TJP1: variants seen among roughly 807,000 people sequenced by gnomAD.
TJP1 encodes the protein tight junction protein ZO-1.
In TJP1, 43 loss-of-function variants were observed where a neutral mutation model predicts 194.2. That is an observed-to-expected ratio of 0.22 (90% CI 0.17 to 0.29). The LOEUF is 0.29. Ranked by LOEUF, TJP1 falls within the 10% of genes least tolerant of loss-of-function variation. TJP1 has a pLI of 1.00. For synonymous variants in TJP1, 801 were observed against 779.0 expected (o/e 1.03, Z -0.47); for missense variants, 1,971 against 2,185.7 (o/e 0.90, Z 1.96).
At chr15:29,754,779 G>A (rs575988837) in intron 8 of TJP1, among the ~76,000 whole-genome samples, 30 of 152,262 alleles carry the variant, frequency 2.0e-4, no homozygotes, top group African/African-American at 7.2e-4. Flanking sequence ...CATTTCCCTT[G>A]AGCGTCATGT....
intron 2 of TJP1, among the ~76,000 whole-genome samples, chr15:29,831,170 T>C (rs1284754259): frequency 1.3e-5 from 2 of 152,180 alleles, no homozygotes; most frequent in Non-Finnish European, 2.9e-5. Flanking sequence ...GAGGAGAATA[T>C]ATTTTGTATG....
At chr15:29,700,063 G>A (rs1200170432), downstream of TJP1, 5 of 382,204 alleles carry the variant, frequency 1.3e-5, no homozygotes, top group South Asian at 1.5e-4. Context: ...GTGACGCTGG[G>A]TGATAGGGAT....
chr15:29,708,275 G>A (rs2042026208), intron 25 of TJP1, among the ~76,000 whole-genome samples: 1 of 151,242 alleles, frequency 6.6e-6, no homozygotes, highest in Admixed American at 6.6e-5. Context: ...CACTCTAGCT[G>A]TGACCCTGGG....
chr15:29,817,323 C>A (rs1315300351), intron 1 of TJP1, among the ~76,000 whole-genome samples: 1 of 152,126 alleles, frequency 6.6e-6, no homozygotes, highest in Non-Finnish European at 1.5e-5. Flanking sequence ...ATTAGAAAGT[C>A]AGGAAACAAC....
intron 23 of TJP1, among the ~76,000 whole-genome samples, chr15:29,712,810 A>T (rs922976074): frequency 2.2e-5 from 3 of 136,400 alleles, no homozygotes; most frequent in Non-Finnish European, 4.8e-5. Flanking sequence ...ATGTCCCATT[A>T]AAAAAAAAAA....
intron 2 of TJP1, among the ~76,000 whole-genome samples, chr15:29,953,902 C>T (rs1051368082): frequency 6.6e-6 from 1 of 152,194 alleles, no homozygotes; most frequent in Admixed American, 6.5e-5. Flanking sequence ...TTTAAAACAA[C>T]ATCGTCCATG....
At chr15:29,934,273 T>C (rs1044812603) in intron 2 of TJP1, among the ~76,000 whole-genome samples, 9 of 152,234 alleles carry the variant, frequency 5.9e-5, no homozygotes, top group African/African-American at 1.9e-4. Context: ...TATTGGTTCA[T>C]GCTACCTGTA....
At chr15:29,702,266 A>T (rs545991951) in intron 27 of TJP1, among the ~76,000 whole-genome samples, 1 of 152,288 alleles carries the variant, frequency 6.6e-6, no homozygotes, top group Admixed American at 6.5e-5. Context: ...AAGCAAAAAA[A>T]CGAGACTGCA....
chr15:29,716,551 T>C (rs1209283176), intron 23 of TJP1, 60 bp downstream of exon 23: 16 of 1,247,328 alleles, frequency 1.3e-5, no homozygotes, highest in Non-Finnish European at 1.8e-5. Flanking sequence ...CAAAATATAT[T>C]GAACTGCACG....
rs761362695 is a variant in TJP1 at position 29,718,079 on chromosome 15, T to C, written c.3916A>G (p.Ile1306Val). 107 of 1,605,590 alleles carry C rather than the reference T, an allele frequency of 6.7e-5. No individual in the cohort carries two copies. Among genetic ancestry groups the C allele is most frequent in the Non-Finnish European group, 7.4e-5 (87 of 1,178,796 alleles). ...VASKPSGAPI[I>V]GPKPTSQNQF... ...TTCTGAGAAGTGGGTTTGGGACCAA[T>C]GATGGGAGCACCTGAAGGTTTAGAT... The change falls in exon 22 of 28, where the codon ATT (isoleucine) becomes GTT (valine). Residue 1306 changes from isoleucine to valine, a missense_variant. Ile to Val is a conservative substitution (Grantham distance 29). Coordinates refer to ENST00000614355, the MANE Select transcript of TJP1 (RefSeq NM_001330239.4).
At chr15:29,851,759 T>A (rs1374015632) in intron 2 of TJP1, among the ~76,000 whole-genome samples, 1 of 152,238 alleles carries the variant, frequency 6.6e-6, no homozygotes, top group Non-Finnish European at 1.5e-5. Flanking sequence ...TAAAGATCAG[T>A]GGAACCCAGA....
intron 2 of TJP1, among the ~76,000 whole-genome samples, chr15:29,796,713 A>C (rs758795062): frequency 2.0e-5 from 3 of 152,228 alleles, no homozygotes; most frequent in Non-Finnish European, 4.4e-5. Flanking sequence ...AAGGAGCTAG[A>C]ATAGCCAAAA....
intron 1 of TJP1, among the ~76,000 whole-genome samples, chr15:29,805,135 T>C (rs1014047038): frequency 6.6e-6 from 1 of 152,238 alleles, no homozygotes; most frequent in Non-Finnish European, 1.5e-5. Flanking sequence ...TCTGCGCACA[T>C]TTCTAAGTCA....
intron 2 of TJP1, among the ~76,000 whole-genome samples, chr15:29,899,047 G>A (rs1289852849): frequency 6.6e-6 from 1 of 152,160 alleles, no homozygotes; most frequent in Non-Finnish European, 1.5e-5. Context: ...TGGGTCCCTA[G>A]GAAGGGAATG....
intron 2 of TJP1, among the ~76,000 whole-genome samples, chr15:29,861,330 T>C (rs974237718): frequency 2.0e-5 from 3 of 152,240 alleles, no homozygotes; most frequent in African/African-American, 7.2e-5. Context: ...TCTTTTTGAT[T>C]ACAGCCATCT....
intron 2 of TJP1, among the ~76,000 whole-genome samples, chr15:29,873,364 C>T (rs1026280975): frequency 2.6e-5 from 4 of 152,126 alleles, no homozygotes; most frequent in African/African-American, 7.2e-5. Flanking sequence ...AATTCAAAGG[C>T]GACATCCCTC....
chr15:29,968,881 G>C, exon 1 of TJP1: 3 of 368,908 alleles, frequency 8.1e-6, no homozygotes, highest in Non-Finnish European at 1.1e-5. Flanking sequence ...AGCTCCCACC[G>C]CTCCCGCGCC....
chr15:29,956,522 T>A (rs1396076635), intron 1 of TJP1, among the ~76,000 whole-genome samples: 4 of 152,226 alleles, frequency 2.6e-5, no homozygotes, highest in Non-Finnish European at 1.5e-5. Context: ...TTCTATCAGA[T>A]ACCCTTTCTA....
chr15:29,959,322 T>G (rs548647512), intron 1 of TJP1, among the ~76,000 whole-genome samples: 1 of 152,122 alleles, frequency 6.6e-6, no homozygotes, highest in Non-Finnish European at 1.5e-5. Context: ...AATGCAATAT[T>G]CTCATGCATC....
Sources: allele counts gnomAD v4.1 joint callset (sites outside exome capture counted in the v4.1 genomes callset), GRCh38; gene constraint gnomAD v4.1.1; transcripts MANE v1.5; gene names NCBI Gene and HGNC (gene_info 2026-07-23, HGNC 2026-07-21).